KCND2: variants seen among roughly 807,000 people sequenced by gnomAD.
KCND2 encodes A-type voltage-gated potassium channel KCND2.
In KCND2, 16 loss-of-function variants were observed where a neutral mutation model predicts 54.4. That is an observed-to-expected ratio of 0.29 (90% CI 0.20 to 0.45). KCND2 has a LOEUF of 0.45. KCND2 is among the 20% of genes least tolerant of loss of function. The pLI is 1.00. For missense variants in KCND2, 486 were observed against 824.2 expected (o/e 0.59, Z 5.02); for synonymous variants, 317 against 310.7 (o/e 1.02, Z -0.21).
At chr7:120,551,834 C>T (rs1036174828) in intron 1 of KCND2, among the ~76,000 whole-genome samples, 3 of 152,092 alleles carry the variant, frequency 2.0e-5, no homozygotes, top group African/African-American at 7.2e-5. Flanking sequence ...ACTTGCTGTG[C>T]TCAGGAACTC....
intron 1 of KCND2, among the ~76,000 whole-genome samples, chr7:120,455,208 A>G (rs1047147806): frequency 1.3e-5 from 2 of 152,178 alleles, no homozygotes; most frequent in Non-Finnish European, 2.9e-5. Context: ...TGTAGAACCA[A>G]AAAAGAACCT....
chr7:120,656,661 C>T (rs896046241), intron 1 of KCND2, among the ~76,000 whole-genome samples: 12 of 152,098 alleles, frequency 7.9e-5, no homozygotes, highest in African/African-American at 2.2e-4. Flanking sequence ...TTTATGGTTC[C>T]CTTTTCATAA....
chr7:120,552,599 A>C (rs996581379), intron 1 of KCND2, among the ~76,000 whole-genome samples: 5 of 152,230 alleles, frequency 3.3e-5, no homozygotes, highest in Admixed American at 2.6e-4. Context: ...AAGAGCAGTA[A>C]CCTGAGAGAA....
intron 1 of KCND2, among the ~76,000 whole-genome samples, chr7:120,632,221 AT>A (rs1430636901): frequency 1.3e-5 from 2 of 152,200 alleles, no homozygotes; most frequent in Non-Finnish European, 1.5e-5. Context: ...ATATCTCATA[AT>A]TCTACAATTT....
In KCND2 at chr7:120,351,412, A is replaced by ACT. The variant is rs60390632; in HGVS notation, c.1115+75687_1115+75688dup. Among the ~76,000 whole-genome samples the ACT allele has an allele frequency of 1.2e-3, 120 of 99,776 alleles. 1 individual carries two copies. Among genetic ancestry groups the ACT allele is most frequent in the African/African-American group, 2.2e-3 (59 of 26,852 alleles). 65.5% of individuals were successfully genotyped at this position (99,776 alleles called of 152,430 possible). On this transcript the variant is annotated intron_variant, in intron 1 of 5. Transcript: ENST00000331113. Reference sequence around the variant, plus strand: ...CACACACACACACACACACACACACACTCTCTCTCTCTCTCTCTCTCTCAC... The same window carrying ACT: ...CACACACACACACACACACACACACACTCTCTCTCTCTCTCTCTCTCTCTCAC...
intron 1 of KCND2, among the ~76,000 whole-genome samples, chr7:120,374,315 A>G (rs962460478): frequency 7.9e-5 from 12 of 151,962 alleles, no homozygotes; most frequent in African/African-American, 2.9e-4. Flanking sequence ...TGGATTTGTA[A>G]CCACTCAGTT....
chr7:120,386,912 C>G (rs1404187797), intron 1 of KCND2, among the ~76,000 whole-genome samples: 1 of 152,072 alleles, frequency 6.6e-6, no homozygotes, highest in African/African-American at 2.4e-5. Flanking sequence ...TGTTTCTGTC[C>G]TCACCAACTT....
At chr7:120,626,624 G>A (rs1280662874) in intron 1 of KCND2, among the ~76,000 whole-genome samples, 1 of 152,000 alleles carries the variant, frequency 6.6e-6, no homozygotes, top group African/African-American at 2.4e-5. Flanking sequence ...AATCTCTTCT[G>A]GAATATTGGA....
intron 1 of KCND2, among the ~76,000 whole-genome samples, chr7:120,365,493 T>G (rs1800661059): frequency 6.6e-6 from 1 of 152,068 alleles, no homozygotes. Flanking sequence ...GTTTTCTCTT[T>G]TCAGTCCCTA....
intron 1 of KCND2, among the ~76,000 whole-genome samples, chr7:120,312,395 A>G (rs1030777991): frequency 7.2e-5 from 11 of 152,060 alleles, no homozygotes; most frequent in Admixed American, 6.6e-4. Flanking sequence ...TCCTTTGAGT[A>G]TATACCCAGT....
chr7:120,337,931 T>A (rs1328546350), intron 1 of KCND2, among the ~76,000 whole-genome samples: 1 of 152,200 alleles, frequency 6.6e-6, no homozygotes, highest in Non-Finnish European at 1.5e-5. Context: ...GAACATAATA[T>A]GCTGACATGG....
At chr7:120,606,016 C>A (rs908334862) in intron 1 of KCND2, among the ~76,000 whole-genome samples, 2 of 152,068 alleles carry the variant, frequency 1.3e-5, no homozygotes, top group African/African-American at 4.8e-5. Flanking sequence ...CTCATGAAAT[C>A]TGATGGTTTT....
intron 1 of KCND2, among the ~76,000 whole-genome samples, chr7:120,656,158 A>C (rs1791801090): frequency 6.6e-6 from 1 of 152,176 alleles, no homozygotes; most frequent in African/African-American, 2.4e-5. Context: ...TACTGAAAGA[A>C]GTTTTATACT....
At chr7:120,563,732 C>T (rs1792263692) in intron 1 of KCND2, among the ~76,000 whole-genome samples, 1 of 152,146 alleles carries the variant, frequency 6.6e-6, no homozygotes, top group African/African-American at 2.4e-5. Context: ...CCAGCCTTTG[C>T]AGAAACTGGC....
intron 1 of KCND2, among the ~76,000 whole-genome samples, chr7:120,731,842 G>A (rs1229170813): frequency 2.6e-5 from 4 of 152,146 alleles, no homozygotes; most frequent in East Asian, 1.9e-4. Context: ...CAATTAAGGC[G>A]ATGGCTCTTC....
chr7:120,512,554 C>T (rs947987821), intron 1 of KCND2, among the ~76,000 whole-genome samples: 1 of 151,910 alleles, frequency 6.6e-6, no homozygotes, highest in African/African-American at 2.4e-5. Context: ...TCATTCATTG[C>T]CCATGGCACT....
At chr7:120,712,421 GC>G (rs959967557) in intron 1 of KCND2, among the ~76,000 whole-genome samples, 3 of 150,318 alleles carry the variant, frequency 2.0e-5, no homozygotes, top group Non-Finnish European at 4.4e-5. Flanking sequence ...CCGCTACCAC[GC>G]CCATTTTTTT....
At chr7:120,453,611 A>C (rs1235082842) in intron 1 of KCND2, among the ~76,000 whole-genome samples, 1 of 152,230 alleles carries the variant, frequency 6.6e-6, no homozygotes, top group Non-Finnish European at 1.5e-5. Flanking sequence ...CAATACTAAG[A>C]AAATCACTCA....
intron 1 of KCND2, among the ~76,000 whole-genome samples, chr7:120,708,147 G>A (rs1327418749): frequency 6.6e-6 from 1 of 152,104 alleles, no homozygotes; most frequent in Non-Finnish European, 1.5e-5. Context: ...TTTCATAATA[G>A]TTGTTAAAAT....
Sources: gnomAD v4.1 joint callset for allele counts (sites outside exome capture counted in the v4.1 genomes callset) on GRCh38, gnomAD v4.1.1 for gene constraint, MANE v1.5 for transcripts, NCBI Gene and HGNC (gene_info 2026-07-23, HGNC 2026-07-21) for gene names.